Variants in PREX1 observed in about 807,000 individuals in gnomAD.
PREX1 encodes the protein phosphatidylinositol-3,4,5-trisphosphate dependent Rac exchange factor 1, also known as phosphatidylinositol 3,4,5-trisphosphate-dependent Rac exchanger 1 protein.
PREX1 carries 41 observed loss-of-function variants against 198.3 expected under a neutral mutation model. The ratio of observed to expected loss-of-function variants is 0.21; its 90% confidence interval spans 0.16 to 0.27. The LOEUF is 0.27. Among genes scored for constraint, PREX1 ranks in the 10% least tolerant of loss-of-function variants. The pLI is 1.00. For synonymous variants in PREX1, 843 were observed against 887.2 expected (o/e 0.95, Z 0.89); for missense variants, 1,620 against 2,200.7 (o/e 0.74, Z 5.28).
chr20:48,853,190 C>G, the PREX1 span, among the ~76,000 whole-genome samples: 1 of 152,024 alleles, frequency 6.6e-6, no homozygotes, highest in Non-Finnish European at 1.5e-5. Flanking sequence ...AAAGACTCAC[C>G]ACATACTTCT....
the PREX1 span, among the ~76,000 whole-genome samples, chr20:48,840,528 C>A: frequency 6.6e-6 from 1 of 152,084 alleles, no homozygotes; most frequent in South Asian, 2.1e-4. Context: ...GGGGTTTGTA[C>A]ATATTTTGTT....
At chr20:48,681,533 G>A (rs1601072394) in intron 10 of PREX1, among the ~76,000 whole-genome samples, 198 bp from the exon 11 acceptor site, 1 of 152,158 alleles carries the variant, frequency 6.6e-6, no homozygotes, top group East Asian at 1.9e-4. Context: ...AGAGGAGAGT[G>A]TGACCAGATT....
At chr20:48,647,422 G>C (rs542250983) in intron 25 of PREX1, among the ~76,000 whole-genome samples, 5 of 151,064 alleles carry the variant, frequency 3.3e-5, no homozygotes, top group African/African-American at 1.2e-4. Context: ...TTGGGAGGCT[G>C]AGGCAGGAGA....
At chr20:48,756,178 A>AC (rs986343861) in intron 1 of PREX1, among the ~76,000 whole-genome samples, 2 of 152,078 alleles carry the variant, frequency 1.3e-5, no homozygotes, top group African/African-American at 2.4e-5. Context: ...AAACCTGGGG[A>AC]CCCCCACAAG....
chr20:48,726,530 G>A (rs1002529281), intron 4 of PREX1, 139 bp from the exon 5 acceptor site: 48 of 640,360 alleles, frequency 7.5e-5, no homozygotes, highest in African/African-American at 1.1e-4. Flanking sequence ...AAGTGAAAAC[G>A]TGCATCATCT....
chr20:48,640,673 G>C (rs959709615), intron 29 of PREX1, among the ~76,000 whole-genome samples: 5 of 152,044 alleles, frequency 3.3e-5, no homozygotes, highest in African/African-American at 1.2e-4. Flanking sequence ...TTCATCTCAG[G>C]GTCTCCAGTG....
chr20:48,748,618 C>T (rs551943273), intron 1 of PREX1, among the ~76,000 whole-genome samples: 104 of 152,312 alleles, frequency 6.8e-4, no homozygotes, highest in Non-Finnish European at 1.3e-3. Flanking sequence ...CAGGAATGTA[C>T]TGTTTGAATG....
intron 33 of PREX1, among the ~76,000 whole-genome samples, chr20:48,633,248 C>T (rs2089330292): frequency 6.6e-6 from 1 of 152,210 alleles, no homozygotes; most frequent in Admixed American, 6.5e-5. Context: ...TGCCCTTCAT[C>T]TAGACTCTAG....
At chr20:48,884,648 G>A in the PREX1 span, among the ~76,000 whole-genome samples, 1 of 152,140 alleles carries the variant, frequency 6.6e-6, no homozygotes, top group Non-Finnish European at 1.5e-5. Context: ...AATGACTAAA[G>A]AAAAACAATA....
At chr20:48,635,785 GCT>G (rs1427184871) in intron 32 of PREX1, among the ~76,000 whole-genome samples, 8 of 152,202 alleles carry the variant, frequency 5.3e-5, no homozygotes, top group African/African-American at 1.9e-4. Context: ...CCAGCTCCCA[GCT>G]CAGGGCCTGG....
At chr20:48,813,169 C>T (rs533135413) in intron 1 of PREX1, among the ~76,000 whole-genome samples, 2 of 152,364 alleles carry the variant, frequency 1.3e-5, no homozygotes, top group East Asian at 1.9e-4. Context: ...AGGTGCTTAA[C>T]ACAATGTGTT....
chr20:48,781,660 C>T (rs2090290345), intron 1 of PREX1, among the ~76,000 whole-genome samples: 1 of 152,152 alleles, frequency 6.6e-6, no homozygotes, highest in South Asian at 2.1e-4. Flanking sequence ...TAGAAAAGCA[C>T]ACAGCCTGGT....
chr20:48,785,527 G>T (rs992617731), intron 1 of PREX1, among the ~76,000 whole-genome samples: 12 of 152,250 alleles, frequency 7.9e-5, no homozygotes, highest in African/African-American at 2.9e-4. Context: ...ACCACCCAAG[G>T]TTCCCCAAAC....
chr20:48,739,829 C>G (rs932039527), intron 3 of PREX1, among the ~76,000 whole-genome samples: 2 of 152,210 alleles, frequency 1.3e-5, no homozygotes, highest in Non-Finnish European at 2.9e-5. Context: ...TGCCCTATAA[C>G]TTAATCTCTC....
At position 48,734,618 on chromosome 20, in the gene PREX1, G is replaced by A. The variant is rs1410817683; in HGVS notation, c.447C>T (p.Cys149=). ...KDKFCVYEEY[C]SNHEKALRLL... is the part of the protein sequence containing the mutation. ...GCCTCAGGGCTTTCTCATGGTTGCT[G>A]CAATACTCCTCGTACACGCAGAACT... Residue 149 remains cysteine (C), a synonymous_variant, in exon 4 of 40, where the codon TGC becomes TGT. Transcript: ENST00000371941. 6.2e-7 allele frequency: 1 copy of A among 1,613,992 alleles called. No homozygotes were observed. The highest frequency in any genetic ancestry group is 8.5e-7 in the Non-Finnish European group (1 of 1,179,974).
chr20:48,693,840 C>T (rs958857939), intron 7 of PREX1, among the ~76,000 whole-genome samples: 1 of 151,774 alleles, frequency 6.6e-6, no homozygotes, highest in Non-Finnish European at 1.5e-5. Context: ...AATCTCCTGA[C>T]CTCATGATCT....
At chr20:48,701,018 A>T in intron 6 of PREX1, 132 bp from the exon 7 acceptor site, 1 of 1,228,436 alleles carries the variant, frequency 8.1e-7, no homozygotes, top group South Asian at 1.4e-5. Flanking sequence ...ATGGACAGAA[A>T]ATCAACACAA....
chr20:48,750,872 G>C (rs1208382719), intron 1 of PREX1, among the ~76,000 whole-genome samples: 1 of 152,190 alleles, frequency 6.6e-6, no homozygotes, highest in Non-Finnish European at 1.5e-5. Flanking sequence ...GTGAGTCTGA[G>C]TTTCAACCAT....
At position 48,827,796 on chromosome 20, in the gene PREX1, G is replaced by C. The variant is rs1194566612; in HGVS notation, c.65C>G (p.Pro22Arg). The part of the protein sequence containing the change: ...DGAGDCAHPD[P>R]RAPGAAAPSS... ...GGGCGCCGCGGCGCCAGGGGCCCGG[G>C]GGTCCGGGTGGGCGCAGTCCCCGGC... Residue 22 changes from proline to arginine, a missense_variant, in exon 1 of 40, where the codon CCC becomes CGC. Around this residue, in one of 7 missense-constraint regions of PREX1, gnomAD observed 96 missense variants for 98.7 expected, o/e 0.97. Transcript: ENST00000371941. The surrounding 1 kb of genome is among the most constrained non-coding windows in gnomAD (Gnocchi z 4.1). The C allele has an allele frequency of 9.2e-7, 1 of 1,084,170 alleles. No individual in the cohort carries two copies. The highest frequency in any genetic ancestry group is 1.1e-6 in the Non-Finnish European group (1 of 888,396). The allele number at this position is 1,084,170 out of a possible 1,614,324, so 67.2% of individuals were successfully genotyped here. A position where few individuals can be genotyped will look rare whatever the true frequency, so the allele number is the denominator to read the frequency against.
Sources: gnomAD v4.1 joint callset for allele counts (sites outside exome capture counted in the v4.1 genomes callset) on GRCh38, gnomAD v4.1.1 for gene constraint, gnomAD v4.1.1 regional missense constraint, Gnocchi (gnomAD v3.1) non-coding constraint, MANE v1.5 for transcripts, NCBI Gene and HGNC (gene_info 2026-07-23, HGNC 2026-07-21) for gene names.